Variants in CDHR3 observed in about 807,000 individuals in gnomAD.
CDHR3 encodes the protein cadherin related family member 3, also known as cadherin-related family member 3.
In CDHR3, 79 loss-of-function variants were observed where a neutral mutation model predicts 86.6. The observed-to-expected ratio is 0.91, with a 90% CI of 0.76 to 1.10. The LOEUF (loss-of-function observed/expected upper bound fraction) is 1.10, where lower values mean the gene tolerates loss of function less well. Among genes scored for constraint, CDHR3 ranks in the 50% least tolerant of loss-of-function variants. The probability of loss-of-function intolerance (pLI) is 0.00; values close to 1 mark genes in which losing one functional copy is unlikely to be tolerated. For synonymous variants in CDHR3, 421 were observed against 402.4 expected, an observed-to-expected ratio of 1.05 and a Z score of -0.55; for missense variants, 1,081 against 1,077.6, an observed-to-expected ratio of 1.00 and a Z score of -0.04.
At chr7:105,973,613 C>T (rs911705737) in intron 1 of CDHR3, among the ~76,000 whole-genome samples, 1 of 152,174 alleles carries the variant, frequency 6.6e-6, no homozygotes, top group African/African-American at 2.4e-5. Flanking sequence ...TTAGGACCCA[C>T]CCTCATGCAA....
chr7:105,974,877 C>T lies in CDHR3; in HGVS notation c.80C>T (p.Ala27Val). 6.2e-7 allele frequency: 1 copy of T among 1,613,742 alleles called. No homozygotes were observed. The highest frequency in any genetic ancestry group is 8.5e-7 in the Non-Finnish European group (1 of 1,179,702). ...GEALHLILLP[A>V]TGNVAENSPP... ...GCACTACACCTAATCCTCTTACCTGCTACAGGCAATGTGGCAGAGAATTCT... is the reference window on the plus strand; with the variant it reads ...GCACTACACCTAATCCTCTTACCTGTTACAGGCAATGTGGCAGAGAATTCT... The change falls in exon 2 of 19, where the codon GCT (alanine) becomes GTT (valine). Residue 27 changes from alanine (A) to valine (V), a missense_variant. Coordinates refer to ENST00000317716, the MANE Select transcript of CDHR3 (RefSeq NM_152750.5).
At chr7:105,991,825 A>G (rs1361946788) in intron 4 of CDHR3, among the ~76,000 whole-genome samples, 1 of 152,212 alleles carries the variant, frequency 6.6e-6, no homozygotes, top group East Asian at 1.9e-4. Context: ...TTCTAATGGG[A>G]CAGCAGTAGT....
chr7:106,024,583 G>T, intron 15 of CDHR3, 21 bp downstream of exon 15: 1 of 1,611,680 alleles, frequency 6.2e-7, no homozygotes. Flanking sequence ...AGTGGGCTGG[G>T]CCCTCTTCCC....
chr7:105,977,064 G>A (rs1443255159), intron 2 of CDHR3, among the ~76,000 whole-genome samples: 4 of 146,872 alleles, frequency 2.7e-5, no homozygotes, highest in African/African-American at 5.1e-5. Context: ...TGATCCTCTC[G>A]CCTCAGCCTC....
chr7:105,996,827 T>A (rs778216037), intron 6 of CDHR3, among the ~76,000 whole-genome samples: 1 of 152,136 alleles, frequency 6.6e-6, no homozygotes, highest in African/African-American at 2.4e-5. Flanking sequence ...CCTGCCATGG[T>A]GGATCCAGAA....
At position 106,012,883 on chromosome 7, in the gene CDHR3, C is replaced by A. The variant is rs200699431; in HGVS notation, c.1076C>A (p.Ala359Asp). ...AGCATTATGGTGCCGGAAAGAACAG[C>A]CAAGGGGACGTTGCTTCTTGACCTA... ...TFSIMVPERT[A>D]KGTLLLDLNK... The change falls in exon 9 of 19, where the codon GCC (alanine) becomes GAC (aspartate). Residue 359 changes from alanine (A) to aspartate (D), a missense_variant. Coordinates refer to ENST00000317716, the MANE Select transcript of CDHR3 (RefSeq NM_152750.5). 1.9e-6 allele frequency: 3 copies of A among 1,609,686 alleles called. No homozygotes were observed. The African/African-American group carries it at 4.0e-5, about 22-fold the overall frequency.
At chr7:105,986,929 A>G (rs941721963) in intron 4 of CDHR3, among the ~76,000 whole-genome samples, 9 of 152,234 alleles carry the variant, frequency 5.9e-5, no homozygotes, top group Non-Finnish European at 8.8e-5. Flanking sequence ...GATTTCTGAT[A>G]CATGCATACA....
chr7:105,981,173 G>A (rs755523791), intron 3 of CDHR3, 40 bp downstream of exon 3: 5 of 1,592,336 alleles, frequency 3.1e-6, no homozygotes, highest in East Asian at 2.3e-5. Context: ...CCAGACAGTG[G>A]CATCAGGGAG....
At position 106,036,176 on chromosome 7, in the gene CDHR3, C is replaced by G. The variant is rs1180922959; in HGVS notation, c.*3479C>G. On this transcript the variant is annotated 3_prime_UTR_variant, in exon 19 of 19. Transcript: ENST00000317716. ...TTAGAAAGCAGGGTCTGAAACTCAG[C>G]CTGTGTAGCAAGCACGGGTGGCTCA... 1.3e-5 allele frequency: 2 copies of G among 152,144 alleles called. No individual in the cohort carries two copies. The highest frequency in any genetic ancestry group is 6.5e-5 in the Admixed American group (1 of 15,278). The allele number at this position is 152,144 out of a possible 1,614,324, so 9.4% of individuals were successfully genotyped here.
rs532439917 is a variant in CDHR3 at position 105,971,584 on chromosome 7, C to T, written c.47-3260C>T. 3.3e-5 allele frequency among the ~76,000 whole-genome samples: 5 copies of T among 152,196 alleles called. No individual in the cohort carries two copies. The South Asian group carries it at 1.0e-3, about 32-fold the overall frequency. ...CTTTCATGGAATTAGTCTCTCAGACCCAGGAATTATCAAAGTTATGATCAA... is the reference window on the plus strand; with the variant it reads ...CTTTCATGGAATTAGTCTCTCAGACTCAGGAATTATCAAAGTTATGATCAA... On this transcript the variant is annotated intron_variant, in intron 1 of 18. Coordinates refer to ENST00000317716, the MANE Select transcript of CDHR3 (RefSeq NM_152750.5).
At chr7:105,987,722 G>A (rs1412033009) in intron 4 of CDHR3, among the ~76,000 whole-genome samples, 3 of 152,186 alleles carry the variant, frequency 2.0e-5, no homozygotes, top group African/African-American at 7.2e-5. Context: ...GGAATCTAAT[G>A]TATGGCCAGG....
chr7:106,018,788 T>A (rs1212138541), intron 12 of CDHR3, among the ~76,000 whole-genome samples: 1 of 152,272 alleles, frequency 6.6e-6, no homozygotes, highest in South Asian at 2.1e-4. Flanking sequence ...CCTGCCTCTA[T>A]GCATACCAGA....
At chr7:105,998,377 T>C (rs1832589821) in intron 6 of CDHR3, among the ~76,000 whole-genome samples, 1 of 152,260 alleles carries the variant, frequency 6.6e-6, no homozygotes, top group Non-Finnish European at 1.5e-5. Context: ...AAGTCCTATG[T>C]CTGTTCTTGA....
chr7:106,027,608 A>G, intron 16 of CDHR3: 1 of 446,606 alleles, frequency 2.2e-6, no homozygotes, highest in Non-Finnish European at 4.5e-6. Flanking sequence ...GGCCTCAAGT[A>G]GACTCCAGAG....
At position 106,017,994 on chromosome 7, in the gene CDHR3, T is replaced by C; in HGVS notation, c.1575T>C (p.Thr525=). The change falls in exon 12 of 19, where the codon ACT becomes ACC. Residue 525 remains threonine (T), a synonymous_variant. Coordinates refer to ENST00000317716, the MANE Select transcript of CDHR3 (RefSeq NM_152750.5). ...AGACAGGAGAACTCCAGCTGGTAAC[T>C]AAAGTGGACTGTGAAACAACCCCCA... ...NPKTGELQLV[T]KVDCETTPIY... 1.2e-6 allele frequency: 2 copies of C among 1,613,900 alleles called. No individual in the cohort carries two copies. The highest frequency in any genetic ancestry group is 2.2e-5 in the South Asian group (2 of 91,082).
chr7:106,017,450 T>G (rs1269358646), intron 11 of CDHR3, among the ~76,000 whole-genome samples: 1 of 151,858 alleles, frequency 6.6e-6, no homozygotes, highest in African/African-American at 2.4e-5. Flanking sequence ...TCCCAGCTAC[T>G]TGGGAGGCTG....
At chr7:105,997,654 A>C (rs1455380159) in intron 6 of CDHR3, among the ~76,000 whole-genome samples, 1 of 151,526 alleles carries the variant, frequency 6.6e-6, no homozygotes, top group Non-Finnish European at 1.5e-5. Flanking sequence ...ATTCTTTGAC[A>C]CCTTCCCCAC....
chr7:105,992,798 T>C (rs1202090986), intron 4 of CDHR3, among the ~76,000 whole-genome samples: 1 of 152,242 alleles, frequency 6.6e-6, no homozygotes, highest in African/African-American at 2.4e-5. Flanking sequence ...AACAGAAGGC[T>C]AATCACCAAA....
Position 106,035,980 on chromosome 7 carries a change from A to G in CDHR3, c.*3283A>G, listed in dbSNP as rs1481811539. On this transcript the variant is annotated 3_prime_UTR_variant, in exon 19 of 19. Coordinates refer to ENST00000317716, the MANE Select transcript of CDHR3 (RefSeq NM_152750.5). ...AAAGTTTTCTCCCATCTCCCTCTCAAGGCCTTAAACAGGTATGAGTTGATT... is the reference window on the plus strand; with the variant it reads ...AAAGTTTTCTCCCATCTCCCTCTCAGGGCCTTAAACAGGTATGAGTTGATT... The G allele has an allele frequency of 1.3e-5, 2 of 152,182 alleles. No homozygotes were observed. Among genetic ancestry groups the G allele is most frequent in the Non-Finnish European group, 2.9e-5 (2 of 68,030 alleles). The allele number at this position is 152,182 out of a possible 1,614,324, so 9.4% of individuals were successfully genotyped here.
Sources: gnomAD v4.1 joint callset for allele counts (sites outside exome capture counted in the v4.1 genomes callset) on GRCh38, gnomAD v4.1.1 for gene constraint, MANE v1.5 for transcripts, NCBI Gene and HGNC (gene_info 2026-07-23, HGNC 2026-07-21) for gene names.